The following RALGAPA2 variants were observed in gnomAD, a reference collection of about 807,000 sequenced individuals.
RALGAPA2 encodes the protein Ral GTPase activating protein catalytic subunit alpha 2.
RALGAPA2 carries 139 observed loss-of-function variants against 230.4 expected under a neutral mutation model. That is an observed-to-expected ratio of 0.60 (90% CI 0.53 to 0.69). RALGAPA2 has a LOEUF of 0.69. Among genes scored for constraint, RALGAPA2 ranks in the 30% least tolerant of loss-of-function variants. The pLI, the probability that RALGAPA2 is intolerant of heterozygous loss-of-function variation, is 0.00. For missense variants in RALGAPA2, 2,163 were observed against 2,276.0 expected (o/e 0.95, Z 1.01); for synonymous variants, 847 against 837.8 (o/e 1.01, Z -0.19).
At chr20:20,637,634 G>A in intron 7 of RALGAPA2, 133 bp from the exon 8 acceptor site, 2 of 808,094 alleles carry the variant, frequency 2.5e-6, no homozygotes, top group Non-Finnish European at 3.8e-6. Context: ...TGACAATCAT[G>A]TAATGAAATA....
chr20:20,583,307 C>T (rs564972450), intron 19 of RALGAPA2, 81 bp from the exon 20 acceptor site: 9 of 1,375,400 alleles, frequency 6.5e-6, no homozygotes, highest in Non-Finnish European at 7.9e-6. Flanking sequence ...ACGAAAGTAA[C>T]TAAACAAACA....
chr20:20,532,989 A>G (rs1231863390), intron 26 of RALGAPA2, among the ~76,000 whole-genome samples: 1 of 152,036 alleles, frequency 6.6e-6, no homozygotes, highest in Admixed American at 6.6e-5. Context: ...AAGGGAGCCT[A>G]TGATTTAAAA....
At chr20:20,568,998 C>A (rs1227724844) in intron 23 of RALGAPA2, among the ~76,000 whole-genome samples, 1 of 151,928 alleles carries the variant, frequency 6.6e-6, no homozygotes, top group African/African-American at 2.4e-5. Context: ...AGAAAGAAGC[C>A]CTGAGATGGT....
At chr20:20,477,076 G>A (rs1050658346) in intron 36 of RALGAPA2, among the ~76,000 whole-genome samples, 1 of 152,192 alleles carries the variant, frequency 6.6e-6, no homozygotes, top group Non-Finnish European at 1.5e-5. Context: ...ATTAGTGATT[G>A]AGATGGGGCA....
chr20:20,406,540 C>T (rs1360885311), intron 38 of RALGAPA2, among the ~76,000 whole-genome samples: 2 of 152,196 alleles, frequency 1.3e-5, no homozygotes, highest in African/African-American at 2.4e-5. Context: ...TGGCCAGCTA[C>T]AGCCAAGTGT....
chr20:20,659,477 T>A (rs567754922), intron 3 of RALGAPA2, among the ~76,000 whole-genome samples: 1 of 152,286 alleles, frequency 6.6e-6, no homozygotes, highest in East Asian at 1.9e-4. Flanking sequence ...GCCACATACC[T>A]CCCTTCTTCA....
chr20:20,623,091 T>C (rs529945059), intron 10 of RALGAPA2, among the ~76,000 whole-genome samples: 2 of 152,216 alleles, frequency 1.3e-5, no homozygotes, highest in Admixed American at 6.5e-5. Context: ...CCAATACAAC[T>C]AGAAAGTAAG....
At chr20:20,706,621 A>G (rs1252652403) in intron 1 of RALGAPA2, among the ~76,000 whole-genome samples, 1 of 152,210 alleles carries the variant, frequency 6.6e-6, no homozygotes, top group African/African-American at 2.4e-5. Context: ...AAGTCTCCCT[A>G]GAAAAATGCA....
rs1467616883 is a variant in RALGAPA2, at chr20:20,524,813, G to T, written c.3762+17C>A. The T allele has an allele frequency of 1.3e-6, 2 of 1,563,586 alleles. No individual in the cohort carries two copies. The highest frequency in any genetic ancestry group is 4.1e-5 in the Admixed American group (2 of 49,280). Reference sequence around the variant, plus strand: ...ATAAAAAAACTATAGGAAAAACTTAGTTAATGTGCCACCTACCTTCTTGTC... The same window carrying T: ...ATAAAAAAACTATAGGAAAAACTTATTTAATGTGCCACCTACCTTCTTGTC... On this transcript the variant is annotated intron_variant, in intron 29 of 39. Transcript: ENST00000202677.
chr20:20,712,594 C>A lies in RALGAPA2; in HGVS notation c.-114G>T, dbSNP rs1386847984. The A allele has an allele frequency of 5.7e-6, 7 of 1,234,536 alleles. No individual in the cohort carries two copies. Among genetic ancestry groups the A allele is most frequent in the Non-Finnish European group, 7.1e-6 (7 of 985,562 alleles). The allele number at this position is 1,234,536 out of a possible 1,614,324, so 76.5% of individuals were successfully genotyped here. A position where few individuals can be genotyped will look rare whatever the true frequency, so the allele number is the denominator to read the frequency against. On this transcript the variant is annotated 5_prime_UTR_variant, in exon 1 of 40. Transcript: ENST00000202677. The surrounding 1 kb of genome is among the most constrained non-coding windows in gnomAD (Gnocchi z 5.5). ...CGCGCGGGCCACTCGCCGCCCCCAGCCCCGCTGCTGCCGCCGCCGCCGCCG... is the reference window on the plus strand; with the variant it reads ...CGCGCGGGCCACTCGCCGCCCCCAGACCCGCTGCTGCCGCCGCCGCCGCCG...
rs557666875 is a variant in RALGAPA2 at position 20,416,125 on chromosome 20, C to T, written c.5496-3977G>A. ...TAAAATGGGGACAACAACGCCTGTT[C>T]TCAGGACGGCTGGGAAGATTAAATA... On this transcript the variant is annotated intron_variant, in intron 37 of 39. Coordinates refer to ENST00000202677, the MANE Select transcript of RALGAPA2 (RefSeq NM_020343.4). 8.5e-5 allele frequency among the ~76,000 whole-genome samples: 13 copies of T among 152,316 alleles called. No individual in the cohort carries two copies. The South Asian group carries it at 2.7e-3, about 32-fold the overall frequency.
At chr20:20,402,130 C>T (rs567735766) in intron 38 of RALGAPA2, among the ~76,000 whole-genome samples, 52 of 152,290 alleles carry the variant, frequency 3.4e-4, no homozygotes, top group Non-Finnish European at 6.8e-4. Context: ...CCTAAGTGCT[C>T]GAGCTCTGGT....
chr20:20,465,149 T>TCACACTCACA (rs1556066771), intron 37 of RALGAPA2, among the ~76,000 whole-genome samples: 10 of 109,210 alleles, frequency 9.2e-5, no homozygotes, highest in Non-Finnish European at 1.6e-4. Context: ...CCGCAGGCCT[T>TCACACTCACA]CACACACACA....
At chr20:20,503,173 G>A (rs1462947863) in intron 35 of RALGAPA2, among the ~76,000 whole-genome samples, 178 bp downstream of exon 35, 1 of 152,150 alleles carries the variant, frequency 6.6e-6, no homozygotes, top group Non-Finnish European at 1.5e-5. Context: ...ATTCACGGGA[G>A]GGAAGATCCA....
intron 10 of RALGAPA2, among the ~76,000 whole-genome samples, chr20:20,622,281 A>T (rs1032393504): frequency 2.6e-5 from 4 of 152,216 alleles, no homozygotes; most frequent in Non-Finnish European, 5.9e-5. Flanking sequence ...CAGGAAAAAA[A>T]AAGATGGGGG....
intron 37 of RALGAPA2, among the ~76,000 whole-genome samples, chr20:20,459,214 G>A (rs935610813): frequency 2.0e-5 from 3 of 152,004 alleles, no homozygotes; most frequent in Admixed American, 2.0e-4. Flanking sequence ...ACTCACTAAA[G>A]CACTACTGAT....
At chr20:20,691,045 C>G (rs2068886310) in intron 1 of RALGAPA2, among the ~76,000 whole-genome samples, 1 of 152,192 alleles carries the variant, frequency 6.6e-6, no homozygotes, top group East Asian at 1.9e-4. Context: ...TACCCTACCT[C>G]TGCCGCCCAC....
intron 30 of RALGAPA2, among the ~76,000 whole-genome samples, chr20:20,523,643 CCT>C (rs1309373232): frequency 9.2e-5 from 14 of 152,214 alleles, no homozygotes; most frequent in Admixed American, 8.5e-4. Flanking sequence ...ACCCAATTAC[CCT>C]GATTTGATTA....
chr20:20,648,747 CAGG>C (rs372246371), intron 4 of RALGAPA2, among the ~76,000 whole-genome samples: 1 of 151,774 alleles, frequency 6.6e-6, no homozygotes, highest in African/African-American at 2.4e-5. Context: ...GGCAAGCGAG[CAGG>C]AGGTCAAAAG....
Sources: allele counts gnomAD v4.1 joint callset (sites outside exome capture counted in the v4.1 genomes callset), GRCh38; gene constraint gnomAD v4.1.1; non-coding constraint Gnocchi (gnomAD v3.1); transcripts MANE v1.5; gene names NCBI Gene and HGNC (gene_info 2026-07-23, HGNC 2026-07-21).